Variants in KCNMB2 observed in about 807,000 individuals in gnomAD.
KCNMB2 encodes the protein calcium-activated potassium channel subunit beta-2.
A neutral mutation model predicts 24.5 loss-of-function variants in KCNMB2; 9 were observed. The observed-to-expected ratio is 0.37, with a 90% CI of 0.22 to 0.64. The LOEUF (loss-of-function observed/expected upper bound fraction) is 0.64, where lower values mean the gene tolerates loss of function less well. KCNMB2 is among the 30% of genes least tolerant of loss of function. KCNMB2 has a pLI of 0.63. For synonymous variants in KCNMB2, 109 were observed against 104.4 expected, an observed-to-expected ratio of 1.04 and a Z score of -0.27; for missense variants, 226 against 284.3, an observed-to-expected ratio of 0.79 and a Z score of 1.47.
intron 1 of KCNMB2, among the ~76,000 whole-genome samples, chr3:178,695,943 C>T (rs760333063): frequency 6.6e-6 from 1 of 152,168 alleles, no homozygotes; most frequent in African/African-American, 2.4e-5. Flanking sequence ...TCTCCCAGCA[C>T]CAATTTACTG....
chr3:178,577,172 A>G (rs760130572), intron 1 of KCNMB2, among the ~76,000 whole-genome samples: 19 of 152,156 alleles, frequency 1.2e-4, no homozygotes, highest in Non-Finnish European at 2.4e-4. Flanking sequence ...AGGAAGGAAC[A>G]AGGAGCAATA....
intron 1 of KCNMB2, among the ~76,000 whole-genome samples, chr3:178,740,778 A>G (rs945697154): frequency 4.6e-5 from 7 of 152,184 alleles, no homozygotes; most frequent in African/African-American, 1.7e-4. Context: ...AGCACCTGCC[A>G]TCTGTCAGGC....
intron 1 of KCNMB2, among the ~76,000 whole-genome samples, chr3:178,629,631 A>G (rs1719242789): frequency 6.6e-6 from 1 of 152,198 alleles, no homozygotes; most frequent in South Asian, 2.1e-4. Flanking sequence ...GTTACAGAGT[A>G]CCTCTTATAG....
rs779750681 is a variant in KCNMB2, at chr3:178,757,984, G to GAT, written c.-67-49346_-67-49345dup. 4.3e-5 allele frequency among the ~76,000 whole-genome samples: 2 copies of GAT among 46,138 alleles called. 1 individual carries two copies. Among genetic ancestry groups the GAT allele is most frequent in the Non-Finnish European group, 7.8e-5 (2 of 25,764 alleles). 30.3% of individuals were successfully genotyped at this position (46,138 alleles called of 152,430 possible). ...GAGGATATATATATAGACACAAGAG[G>GAT]ATATATATATATATCTAGATATATA... On this transcript the variant is annotated intron_variant, in intron 1 of 4. Coordinates refer to ENST00000452583, the MANE Select transcript of KCNMB2 (RefSeq NM_181361.3).
intron 2 of KCNMB2, among the ~76,000 whole-genome samples, chr3:178,811,036 G>A (rs1714173634): frequency 1.3e-5 from 2 of 151,718 alleles, no homozygotes; most frequent in Non-Finnish European, 2.9e-5. Context: ...ACAGGCGTGG[G>A]CCACCACACC....
intron 3 of KCNMB2, 34 bp downstream of exon 3, chr3:178,825,792 T>C: frequency 6.4e-7 from 1 of 1,560,758 alleles, no homozygotes; most frequent in Admixed American, 1.7e-5. Flanking sequence ...CCCTGCTGTT[T>C]GTCTCCTGCT....
chr3:178,605,617 A>G (rs1192361213), intron 1 of KCNMB2, among the ~76,000 whole-genome samples: 1 of 152,198 alleles, frequency 6.6e-6, no homozygotes, highest in Non-Finnish European at 1.5e-5. Context: ...ATAGCTAAGT[A>G]TCATGAACAG....
chr3:178,793,565 C>A (rs1713414609), intron 1 of KCNMB2, among the ~76,000 whole-genome samples: 1 of 152,032 alleles, frequency 6.6e-6, no homozygotes, highest in Non-Finnish European at 1.5e-5. Flanking sequence ...ATGCTTCCAG[C>A]CAGCCCAGTC....
At chr3:178,753,293 G>A (rs1249624739) in intron 1 of KCNMB2, among the ~76,000 whole-genome samples, 1 of 152,178 alleles carries the variant, frequency 6.6e-6, no homozygotes, top group Non-Finnish European at 1.5e-5. Flanking sequence ...ACCACGGGAG[G>A]TAGCCACGAT....
At chr3:178,756,144 T>G (rs1332534177) in intron 1 of KCNMB2, among the ~76,000 whole-genome samples, 1 of 152,120 alleles carries the variant, frequency 6.6e-6, no homozygotes, top group African/African-American at 2.4e-5. Context: ...ATTATAAAAT[T>G]GTGAAAAGCA....
At chr3:178,552,614 A>G (rs1327400408) in intron 1 of KCNMB2, among the ~76,000 whole-genome samples, 1 of 152,178 alleles carries the variant, frequency 6.6e-6, no homozygotes, top group Non-Finnish European at 1.5e-5. Context: ...CCTTTTCCCA[A>G]ACTAGGTAGA....
chr3:178,541,577 A>G (rs554677216), intron 1 of KCNMB2, among the ~76,000 whole-genome samples: 19 of 152,342 alleles, frequency 1.2e-4, no homozygotes, highest in African/African-American at 4.1e-4. Context: ...ATTAATTAAA[A>G]TATAATAGAA....
At chr3:178,663,389 C>T (rs139139463) in intron 1 of KCNMB2, among the ~76,000 whole-genome samples, 51 of 152,158 alleles carry the variant, frequency 3.4e-4, no homozygotes, top group Non-Finnish European at 6.2e-4. Flanking sequence ...AAATTCATAT[C>T]CCATGCTCTT....
chr3:178,586,708 C>A (rs1255898951), intron 1 of KCNMB2, among the ~76,000 whole-genome samples: 1 of 151,850 alleles, frequency 6.6e-6, no homozygotes, highest in African/African-American at 2.4e-5. Context: ...CCACGCCTGG[C>A]TAATTTTTGT....
At chr3:178,589,617 T>G (rs1332357309) in intron 1 of KCNMB2, among the ~76,000 whole-genome samples, 1 of 152,164 alleles carries the variant, frequency 6.6e-6, no homozygotes, top group African/African-American at 2.4e-5. Flanking sequence ...TAGCTAGGAC[T>G]ACAAGTGTGT....
intron 2 of KCNMB2, among the ~76,000 whole-genome samples, chr3:178,823,086 T>C (rs113147481): frequency 3.3e-5 from 5 of 152,346 alleles, no homozygotes; most frequent in African/African-American, 1.2e-4. Flanking sequence ...TCAGAAAAGC[T>C]TTCAGCCCAC....
At chr3:178,754,150 G>GTATATATATATATATATA (rs755809548) in intron 1 of KCNMB2, among the ~76,000 whole-genome samples, 7 of 106,276 alleles carry the variant, frequency 6.6e-5, no homozygotes, top group African/African-American at 2.6e-4. Context: ...ATATTCCATT[G>GTATATATATATATATATA]TATATATATA....
intron 1 of KCNMB2, among the ~76,000 whole-genome samples, chr3:178,549,318 T>C (rs1172253500): frequency 6.7e-6 from 1 of 149,524 alleles, no homozygotes; most frequent in Admixed American, 6.6e-5. Flanking sequence ...TCTTTTTTTT[T>C]TTTTTTTCTT....
chr3:178,759,755 T>TATCTAC (rs1553775153), intron 1 of KCNMB2, among the ~76,000 whole-genome samples: 26 of 5,796 alleles, frequency 4.5e-3, no homozygotes, highest in African/African-American at 0.042. Context: ...AGGATATATC[T>TATCTAC]ATATATATAT....
Sources: gnomAD v4.1 joint callset for allele counts (sites outside exome capture counted in the v4.1 genomes callset) on GRCh38, gnomAD v4.1.1 for gene constraint, MANE v1.5 for transcripts, NCBI Gene and HGNC (gene_info 2026-07-23, HGNC 2026-07-21) for gene names.